TDRP: variants seen among roughly 807,000 people sequenced by gnomAD.
TDRP encodes testis development-related protein.
Under a neutral mutation model 10.5 loss-of-function variants are expected in TDRP, and 12 were observed. The observed-to-expected ratio is 1.15, with a 90% CI of 0.73 to 1.86. The LOEUF (loss-of-function observed/expected upper bound fraction) is 1.86. Among genes scored for constraint, TDRP ranks in the 40% most tolerant of loss-of-function variants. The pLI is 0.00. For synonymous variants in TDRP, 139 were observed against 95.4 expected (o/e 1.46, Z -2.67); for missense variants, 353 against 229.2 (o/e 1.54, Z -3.49).
At chr8:507,440 A>G (rs1412162655) in intron 1 of TDRP, among the ~76,000 whole-genome samples, 1 of 152,188 alleles carries the variant, frequency 6.6e-6, no homozygotes, top group African/African-American at 2.4e-5. Context: ...AGAAGCCACA[A>G]TTTGACTGGA....
At chr8:524,234 C>G (rs188096224) in intron 1 of TDRP, among the ~76,000 whole-genome samples, 28 of 152,338 alleles carry the variant, frequency 1.8e-4, no homozygotes, top group Admixed American at 3.9e-4. Context: ...CACAGCATTA[C>G]TGGGCTTGGG....
Position 491,999 on chromosome 8 carries a change from C to A in TDRP, c.*400G>T, listed in dbSNP as rs1029881979. 14 of 1,116,102 alleles carry A rather than the reference C, an allele frequency of 1.3e-5. No individual in the cohort carries two copies. In the African/African-American group the frequency reaches 2.3e-4, roughly 18 times the overall value. The allele number at this position is 1,116,102 out of a possible 1,614,324, so 69.1% of individuals were successfully genotyped here. A position where few individuals can be genotyped will look rare whatever the true frequency, so the allele number is the denominator to read the frequency against. Reference sequence around the variant, plus strand: ...CTAGCAAAAGAAAAGAACTGCATGACAGCTGCATTTATACGTGCTACATAC... The same window carrying A: ...CTAGCAAAAGAAAAGAACTGCATGAAAGCTGCATTTATACGTGCTACATAC... On this transcript the variant is annotated 3_prime_UTR_variant, in exon 3 of 3. Transcript: ENST00000324079.
intron 1 of TDRP, among the ~76,000 whole-genome samples, chr8:533,606 G>C (rs916180197): frequency 9.9e-5 from 15 of 152,094 alleles, no homozygotes; most frequent in African/African-American, 3.6e-4. Context: ...CCTTAAACAG[G>C]TAGTCTTTGC....
At chr8:542,806 G>A (rs1486833138) in intron 1 of TDRP, among the ~76,000 whole-genome samples, 1 of 145,164 alleles carries the variant, frequency 6.9e-6, no homozygotes, top group Non-Finnish European at 1.5e-5. Context: ...GCAGTGAGCT[G>A]AGATCACGCC....
intron 1 of TDRP, among the ~76,000 whole-genome samples, chr8:501,341 A>T (rs1801293738): frequency 6.6e-6 from 1 of 151,862 alleles, no homozygotes; most frequent in Admixed American, 6.6e-5. Context: ...ATTTCCTGGT[A>T]TACTTCTTTT....
chr8:518,203 G>A (rs1232084551), intron 1 of TDRP, among the ~76,000 whole-genome samples: 1 of 152,188 alleles, frequency 6.6e-6, no homozygotes, highest in African/African-American at 2.4e-5. Context: ...GGGAAGGTAG[G>A]GAAGGTAGGG....
Position 492,597 on chromosome 8 carries a change from C to A in TDRP, c.360G>T (p.Ser120=). ...CACCCACGGTGTCCTCAGGGTCAGC[C>A]GATATGTCTTCAAGAGCAAGTTTTG... ...EPPKLALEDI[S]ADPEDTVGGH... Residue 120 remains serine, a synonymous_variant, in exon 3 of 3, where the codon TCG becomes TCT. Coordinates refer to ENST00000324079, the MANE Select transcript of TDRP (RefSeq NM_001384899.1). 1 of 1,613,876 alleles carries A rather than the reference C, an allele frequency of 6.2e-7. No homozygotes were observed. The highest frequency in any genetic ancestry group is 1.3e-5 in the African/African-American group (1 of 75,048).
At chr8:541,540 G>A (rs1295670233) in intron 1 of TDRP, among the ~76,000 whole-genome samples, 1 of 152,146 alleles carries the variant, frequency 6.6e-6, no homozygotes, top group African/African-American at 2.4e-5. Context: ...AACATACAAA[G>A]AACTCTTAAA....
intron 1 of TDRP, among the ~76,000 whole-genome samples, chr8:523,424 A>G (rs999101432): frequency 2.6e-5 from 4 of 152,102 alleles, no homozygotes; most frequent in Admixed American, 2.0e-4. Flanking sequence ...CACAAAAATC[A>G]CCTTTATAAG....
chr8:542,501 T>G (rs887384298), intron 1 of TDRP, among the ~76,000 whole-genome samples: 1 of 152,134 alleles, frequency 6.6e-6, no homozygotes, highest in Non-Finnish European at 1.5e-5. Flanking sequence ...GCTGGGCACC[T>G]AAAACTGGAT....
At chr8:517,211 T>A (rs1185463615) in intron 1 of TDRP, among the ~76,000 whole-genome samples, 1 of 152,140 alleles carries the variant, frequency 6.6e-6, no homozygotes. Context: ...AACCTAACTC[T>A]GGTACAGCAT....
chr8:491,008 G>A lies in TDRP; in HGVS notation c.*1391C>T, dbSNP rs149113159. The A allele has an allele frequency of 6.6e-6, 1 of 152,408 alleles. No individual in the cohort carries two copies. Among genetic ancestry groups the A allele is most frequent in the East Asian group, 1.9e-4 (1 of 5,186 alleles). The allele number at this position is 152,408 out of a possible 1,614,324, so 9.4% of individuals were successfully genotyped here. A position where few individuals can be genotyped will look rare whatever the true frequency, so the allele number is the denominator to read the frequency against. On this transcript the variant is annotated 3_prime_UTR_variant, in exon 3 of 3. Transcript: ENST00000324079. ...GTGATTGACACAGATTATAGATTTAGCTAGATGGATGCAAAAGTAATTGCT... is the reference window on the plus strand; with the variant it reads ...GTGATTGACACAGATTATAGATTTAACTAGATGGATGCAAAAGTAATTGCT...
At chr8:504,951 G>A (rs955422108) in intron 1 of TDRP, among the ~76,000 whole-genome samples, 2 of 152,064 alleles carry the variant, frequency 1.3e-5, no homozygotes, top group African/African-American at 4.8e-5. Context: ...AAGATTTGGG[G>A]AACAGGGAAA....
upstream of TDRP, among the ~76,000 whole-genome samples, chr8:545,209 C>T (rs956605353): frequency 1.4e-5 from 2 of 143,662 alleles, no homozygotes; most frequent in African/African-American, 5.2e-5. Flanking sequence ...ACGACGTCCT[C>T]ACCCCAGGCT....
At chr8:521,708 T>C (rs570347518) in intron 1 of TDRP, among the ~76,000 whole-genome samples, 1 of 152,352 alleles carries the variant, frequency 6.6e-6, no homozygotes, top group East Asian at 1.9e-4. Context: ...TTCTCAAGAT[T>C]GTTTTAGCTA....
intron 1 of TDRP, among the ~76,000 whole-genome samples, chr8:516,498 T>C (rs1801760195): frequency 6.6e-6 from 1 of 152,142 alleles, no homozygotes. Context: ...TAAATAAGCA[T>C]CTGAAAAGAT....
chr8:529,675 C>T (rs1472874328), intron 1 of TDRP, among the ~76,000 whole-genome samples: 1 of 152,170 alleles, frequency 6.6e-6, no homozygotes, highest in African/African-American at 2.4e-5. Context: ...TTTTTAACAA[C>T]ACTTGAACTG....
intron 1 of TDRP, among the ~76,000 whole-genome samples, chr8:512,579 CAA>C (rs372364556): frequency 3.5e-5 from 5 of 142,992 alleles, no homozygotes; most frequent in Non-Finnish European, 3.1e-5. Context: ...CATTGTCCAT[CAA>C]AAAAAAAAAG....
intron 1 of TDRP, among the ~76,000 whole-genome samples, chr8:536,278 C>T (rs1027287778): frequency 1.4e-4 from 21 of 152,212 alleles, no homozygotes; most frequent in Non-Finnish European, 2.2e-4. Flanking sequence ...GAAGAATCCA[C>T]CACCGTCTTT....
Sources: gnomAD v4.1 joint callset for allele counts (sites outside exome capture counted in the v4.1 genomes callset) on GRCh38, gnomAD v4.1.1 for gene constraint, MANE v1.5 for transcripts, NCBI Gene and HGNC (gene_info 2026-07-23, HGNC 2026-07-21) for gene names.